TRERF1: variants seen among roughly 807,000 people sequenced by gnomAD.
TRERF1 encodes transcriptional-regulating factor 1.
Under a neutral mutation model 122.9 loss-of-function variants are expected in TRERF1, and 27 were observed. The ratio of observed to expected loss-of-function variants is 0.22; its 90% CI spans 0.16 to 0.30. TRERF1 has a LOEUF of 0.30. Ranked by LOEUF, TRERF1 falls within the 10% of genes least tolerant of loss-of-function variation. The pLI is 1.00. For missense variants in TRERF1, 1,248 were observed against 1,560.3 expected (o/e 0.80, Z 3.37); for synonymous variants, 636 against 641.7 (o/e 0.99, Z 0.13).
chr6:42,353,875 A>G (rs1266808457), intron 3 of TRERF1, among the ~76,000 whole-genome samples: 2 of 152,248 alleles, frequency 1.3e-5, no homozygotes, highest in African/African-American at 4.8e-5. Context: ...AGAAAAGATT[A>G]TGGGAGGATT....
chr6:42,395,081 C>T (rs1778363050), intron 2 of TRERF1, among the ~76,000 whole-genome samples: 1 of 152,218 alleles, frequency 6.6e-6, no homozygotes, highest in Non-Finnish European at 1.5e-5. Context: ...GGGCCGGCAC[C>T]CTTCTGGGGA....
chr6:42,394,410 C>T (rs1778237007), intron 2 of TRERF1, among the ~76,000 whole-genome samples: 1 of 152,230 alleles, frequency 6.6e-6, no homozygotes, highest in Admixed American at 6.5e-5. Flanking sequence ...AATTCATGAG[C>T]ACCCTCCATG....
At chr6:42,326,438 G>A (rs577752628) in intron 3 of TRERF1, among the ~76,000 whole-genome samples, 1 of 152,264 alleles carries the variant, frequency 6.6e-6, no homozygotes, top group Non-Finnish European at 1.5e-5. Flanking sequence ...GGCATGTTTG[G>A]TTATTAACAG....
chr6:42,255,536 C>T lies in TRERF1; in HGVS notation c.2581-610G>A, dbSNP rs57637577. ...AGGAGTACGTCCCTCACCTGGGAGC[C>T]GGTCAAAAAGGCAGAACCTGGGCCC... On this transcript the variant is annotated intron_variant, in intron 12 of 17. Transcript: ENST00000372922. Among the ~76,000 whole-genome samples the T allele has an allele frequency of 7.1e-3, 1,079 of 152,270 alleles. 16 individuals are homozygous for T. Among genetic ancestry groups the T allele is most frequent in the African/African-American group, 0.024 (1,008 of 41,552 alleles).
intron 2 of TRERF1, among the ~76,000 whole-genome samples, chr6:42,378,461 T>C (rs866851108): frequency 2.0e-5 from 3 of 152,166 alleles, no homozygotes; most frequent in African/African-American, 7.2e-5. Flanking sequence ...TTTTTTAAAC[T>C]GTCACCTTTA....
At chr6:42,414,264 T>C (rs1051338661) in intron 2 of TRERF1, among the ~76,000 whole-genome samples, 14 of 152,176 alleles carry the variant, frequency 9.2e-5, no homozygotes, top group African/African-American at 1.7e-4. Context: ...CACTTAAATA[T>C]ACAGGCAAAA....
chr6:42,361,422 T>C (rs573763366), intron 3 of TRERF1, among the ~76,000 whole-genome samples: 2 of 152,312 alleles, frequency 1.3e-5, no homozygotes, highest in African/African-American at 2.4e-5. Flanking sequence ...ATGTTGTTTT[T>C]TGGGTTTTTT....
chr6:42,408,257 ATGTG>A lies in TRERF1; in HGVS notation c.-454+42916_-454+42919del, dbSNP rs764767829. ...TGTGTGTATGTATATATACATACAC[ATGTG>A]TGTGTATGTATATATACATACACAT... On this transcript the variant is annotated intron_variant, in intron 2 of 17. Coordinates refer to ENST00000372922, the Ensembl canonical transcript of TRERF1. Among the ~76,000 whole-genome samples the A allele has an allele frequency of 3.9e-4, 34 of 87,622 alleles. No homozygotes were observed. In the East Asian group the frequency reaches 6.7e-3, roughly 17 times the overall value. The allele number at this position is 87,622 out of a possible 152,430, so 57.5% of individuals were successfully genotyped here. A position where few individuals can be genotyped will look rare whatever the true frequency, so the allele number is the denominator to read the frequency against.
chr6:42,245,022 C>G (rs947835537), intron 14 of TRERF1, among the ~76,000 whole-genome samples: 1 of 152,210 alleles, frequency 6.6e-6, no homozygotes, highest in African/African-American at 2.4e-5. Flanking sequence ...AAAGTTGCCC[C>G]CTTCTCATCC....
At chr6:42,291,766 C>T (rs530972954) in intron 4 of TRERF1, among the ~76,000 whole-genome samples, 25 of 151,732 alleles carry the variant, frequency 1.6e-4, no homozygotes, top group Non-Finnish European at 3.2e-4. Context: ...AGGATGGTCT[C>T]GATCTCCTGA....
At chr6:42,288,707 G>C (rs972325431) in intron 4 of TRERF1, among the ~76,000 whole-genome samples, 4 of 152,076 alleles carry the variant, frequency 2.6e-5, no homozygotes, top group Admixed American at 2.6e-4. Context: ...AGGGGAAATA[G>C]GGTGCAGAAA....
At chr6:42,430,622 G>A (rs951817106) in intron 2 of TRERF1, among the ~76,000 whole-genome samples, 8 of 152,008 alleles carry the variant, frequency 5.3e-5, no homozygotes, top group African/African-American at 1.9e-4. Context: ...TTGGCTGGGC[G>A]CGGTGGCTCA....
chr6:42,355,149 A>G (rs1770256369), intron 3 of TRERF1, among the ~76,000 whole-genome samples: 1 of 152,216 alleles, frequency 6.6e-6, no homozygotes, highest in Non-Finnish European at 1.5e-5. Context: ...AGAGGTAACG[A>G]GTGATGCCTT....
intron 2 of TRERF1, among the ~76,000 whole-genome samples, chr6:42,429,110 G>A (rs1395299387): frequency 6.6e-6 from 1 of 152,222 alleles, no homozygotes; most frequent in East Asian, 1.9e-4. Context: ...ATTATTTTAA[G>A]TGAAAACTAA....
At chr6:42,298,363 C>A (rs535643520) in intron 4 of TRERF1, among the ~76,000 whole-genome samples, 1 of 150,980 alleles carries the variant, frequency 6.6e-6, no homozygotes, top group Non-Finnish European at 1.5e-5. Context: ...ACCATGTTGG[C>A]CAGGCTGGTC....
At chr6:42,258,242 G>A (rs551071020) in intron 9 of TRERF1, 41 bp from the exon 10 acceptor site, 1 of 1,590,024 alleles carries the variant, frequency 6.3e-7, no homozygotes, top group East Asian at 2.2e-5. Context: ...AACAGGGAAG[G>A]AATGTTGAAA....
intron 12 of TRERF1, among the ~76,000 whole-genome samples, chr6:42,255,844 G>A (rs189894128): frequency 3.8e-4 from 58 of 152,254 alleles, no homozygotes; most frequent in Non-Finnish European, 1.5e-4. Flanking sequence ...AGAAGTCCAG[G>A]ATGAGGCTGG....
At chr6:42,256,658 T>G in intron 12 of TRERF1, 70 bp downstream of exon 12, 103 of 1,395,102 alleles carry the variant, frequency 7.4e-5, no homozygotes, top group Non-Finnish European at 9.7e-5. Context: ...GTATGGTACA[T>G]GAGACAATAT....
At chr6:42,260,762 G>A (rs1777690736) in intron 8 of TRERF1, among the ~76,000 whole-genome samples, 1 of 152,156 alleles carries the variant, frequency 6.6e-6, no homozygotes, top group Non-Finnish European at 1.5e-5. Flanking sequence ...AGCAGGGGGT[G>A]ATGGGAAGGG....
Sources: gnomAD v4.1 joint callset for allele counts (sites outside exome capture counted in the v4.1 genomes callset) on GRCh38, gnomAD v4.1.1 for gene constraint, MANE v1.5 for transcripts, NCBI Gene and HGNC (gene_info 2026-07-23, HGNC 2026-07-21) for gene names.